The following NRXN3 variants were observed in gnomAD, a reference collection of about 807,000 sequenced individuals.
NRXN3 encodes neurexin III.
In NRXN3, 32 loss-of-function variants were observed where a neutral mutation model predicts 137.6. The ratio of observed to expected loss-of-function variants is 0.23; its 90% CI spans 0.18 to 0.31. NRXN3 has a LOEUF of 0.31. Ranked by LOEUF, NRXN3 falls within the 10% of genes least tolerant of loss-of-function variation. NRXN3 has a pLI of 1.00. For synonymous variants in NRXN3, 798 were observed against 784.5 expected (o/e 1.02, Z -0.29); for missense variants, 1,574 against 2,062.5 (o/e 0.76, Z 4.59).
At chr14:78,282,392 C>T (rs935409625) in intron 3 of NRXN3, 20 of 318,502 alleles carry the variant, frequency 6.3e-5, no homozygotes, top group Middle Eastern at 2.4e-3. Context: ...GTGCTTCTCC[C>T]TCCTGCCTGG....
At chr14:78,835,465 A>G (rs1394166731) in intron 10 of NRXN3, among the ~76,000 whole-genome samples, 3 of 152,106 alleles carry the variant, frequency 2.0e-5, no homozygotes, top group Non-Finnish European at 4.4e-5. Context: ...ATCAGAGGCT[A>G]TTAGGACTCA....
Position 78,984,367 on chromosome 14 carries a change from A to G in NRXN3, c.3143-3655A>G, listed in dbSNP as rs867819720. Among the ~76,000 whole-genome samples the G allele has an allele frequency of 2.1e-4, 32 of 152,322 alleles. No homozygotes were observed. In the South Asian group the frequency reaches 2.3e-3, roughly 11 times the overall value. The stretch of plus-strand genomic sequence containing the variant: ...ACTATTATCTTTCAATTTAAAAGAA[A>G]TTAATTTAATTACAGTCCACGTAAT... On this transcript the variant is annotated intron_variant, in intron 14 of 20. Transcript: ENST00000335750.
intron 15 of NRXN3, among the ~76,000 whole-genome samples, chr14:79,158,071 C>G (rs1447319266): frequency 6.6e-6 from 1 of 151,676 alleles, no homozygotes; most frequent in Non-Finnish European, 1.5e-5. Flanking sequence ...ATAATAATTT[C>G]TTTTTCCTGA....
chr14:78,765,174 A>G lies in NRXN3; in HGVS notation c.2045-38446A>G, dbSNP rs150427155. 2.7e-3 allele frequency among the ~76,000 whole-genome samples: 412 copies of G among 152,152 alleles called. 5 individuals carry two copies. Among genetic ancestry groups the G allele is most frequent in the African/African-American group, 9.5e-3 (396 of 41,510 alleles). On this transcript the variant is annotated intron_variant, in intron 8 of 20. Coordinates refer to ENST00000335750, the MANE Select transcript of NRXN3 (RefSeq NM_001330195.2). ...CCTTTTTTTGTTTTGTTTGTTTGAA[A>G]TGGAGTTTCACTCTTGTTGCCCAGG...
chr14:78,243,649 C>T lies in NRXN3; in HGVS notation c.556C>T (p.Pro186Ser), dbSNP rs2067286871. Residue 186 changes from proline (P) to serine (S), a missense_variant, in exon 2 of 21, where the codon CCT becomes TCT. Pro to Ser is a moderately conservative substitution (Grantham distance 74). This residue lies in a region of NRXN3 where 400 missense variants were observed against 527.3 expected (regional missense o/e 0.76). Transcript: ENST00000335750. This position sits in a 1 kb window ranked among gnomAD's most constrained non-coding sequence, Gnocchi z 4.2. ...GGATCTCAAGTATGGAAACTCGGAG[C>T]CTCGGCTTCTGGGGAGCCGGGGTGT... ...ILDLKYGNSE[P>S]RLLGSRGVQM... is the part of the protein sequence containing the mutation. 1 of 1,598,420 alleles carries T rather than the reference C, an allele frequency of 6.3e-7. No individual in the cohort carries two copies. The highest frequency in any genetic ancestry group is 8.5e-7 in the Non-Finnish European group (1 of 1,179,808).
intron 15 of NRXN3, among the ~76,000 whole-genome samples, chr14:79,033,078 C>T (rs924569440): frequency 5.9e-5 from 9 of 152,164 alleles, no homozygotes; most frequent in Admixed American, 3.9e-4. Flanking sequence ...TTTCTTAGAA[C>T]GTGTACATGC....
chr14:78,787,381 G>A (rs553432384), intron 8 of NRXN3, among the ~76,000 whole-genome samples: 7 of 152,164 alleles, frequency 4.6e-5, no homozygotes, highest in South Asian at 2.1e-4. Context: ...AATCAAAAGC[G>A]TTAACCACTA....
At chr14:79,279,613 T>C in intron 15 of NRXN3, 3 of 987,160 alleles carry the variant, frequency 3.0e-6, no homozygotes, top group African/African-American at 1.7e-5. Context: ...CGGTGGCTGC[T>C]GCTGCTGCTG....
intron 3 of NRXN3, among the ~76,000 whole-genome samples, chr14:78,279,088 G>A (rs4903736): frequency 0.16 from 24,704 of 152,164 alleles, 2,459 homozygotes; most frequent in Middle Eastern, 0.24. Flanking sequence ...TGATGTGGGT[G>A]AAAGGAGGTT....
chr14:79,740,721 T>TAC (rs2098959328), intron 19 of NRXN3, among the ~76,000 whole-genome samples: 1 of 16,376 alleles, frequency 6.1e-5, no homozygotes, highest in Non-Finnish European at 1.2e-4. Context: ...TTTATATATA[T>TAC]ATATATATAT....
chr14:78,725,841 T>C lies in NRXN3; in HGVS notation c.2044+10702T>C, dbSNP rs769030770. 2.2e-4 allele frequency among the ~76,000 whole-genome samples: 34 copies of C among 152,254 alleles called. 1 individual carries two copies. The highest frequency in any genetic ancestry group is 7.9e-4 in the Admixed American group (12 of 15,286). ...GAGTCTATAGGAATATGTACTCTTATCTACATATGATGTACTAAATGCTTA... is the reference window on the plus strand; with the variant it reads ...GAGTCTATAGGAATATGTACTCTTACCTACATATGATGTACTAAATGCTTA... On this transcript the variant is annotated intron_variant, in intron 8 of 20. Transcript: ENST00000335750.
At chr14:79,789,490 T>G (rs763583673) in intron 19 of NRXN3, among the ~76,000 whole-genome samples, 1 of 152,122 alleles carries the variant, frequency 6.6e-6, no homozygotes, top group African/African-American at 2.4e-5. Flanking sequence ...AATAAAAGAT[T>G]GGCTACTTCA....
chr14:78,803,738 G>C lies in NRXN3; in HGVS notation c.2163G>C (p.Leu721=), dbSNP rs2098846431. 6.2e-7 allele frequency: 1 copy of C among 1,614,118 alleles called. No individual in the cohort carries two copies. The highest frequency in any genetic ancestry group is 1.3e-5 in the African/African-American group (1 of 75,060). ...TCATGTCCCAGCGAGCTTATGGGCT[G>C]CTGGTGGCTACGACCTCCAGGGACT... ...FRFMSQRAYG[L]LVATTSRDSA... Residue 721 remains leucine (L), a synonymous_variant, in exon 9 of 21, where the codon CTG becomes CTC. Transcript: ENST00000335750.
intron 4 of NRXN3, chr14:78,300,669 C>T (rs1425004350): frequency 2.0e-6 from 3 of 1,530,176 alleles, no homozygotes; most frequent in Admixed American, 3.9e-5. Flanking sequence ...ATTGGACCTT[C>T]ATTTCTGTAG....
At chr14:78,515,443 A>T (rs2096189153) in intron 4 of NRXN3, among the ~76,000 whole-genome samples, 1 of 152,154 alleles carries the variant, frequency 6.6e-6, no homozygotes, top group African/African-American at 2.4e-5. Flanking sequence ...TAGGGAATAG[A>T]CAGCTGACCC....
At chr14:79,617,247 G>A (rs555988196) in intron 16 of NRXN3, among the ~76,000 whole-genome samples, 14 of 152,158 alleles carry the variant, frequency 9.2e-5, no homozygotes, top group Non-Finnish European at 1.8e-4. Context: ...TTGTATGCCT[G>A]TAGAATACAT....
chr14:79,575,335 G>A (rs2097653937), intron 16 of NRXN3, among the ~76,000 whole-genome samples: 1 of 152,126 alleles, frequency 6.6e-6, no homozygotes, highest in African/African-American at 2.4e-5. Context: ...GCGTGGTAAG[G>A]AGAACAAGAA....
intron 15 of NRXN3, among the ~76,000 whole-genome samples, chr14:79,429,102 C>T (rs2095703835): frequency 6.6e-6 from 1 of 152,054 alleles, no homozygotes; most frequent in African/African-American, 2.4e-5. Flanking sequence ...CCAGACGCAA[C>T]CTAGTTAGAG....
intron 15 of NRXN3, among the ~76,000 whole-genome samples, chr14:79,294,263 A>G (rs925858243): frequency 9.9e-5 from 15 of 152,178 alleles, no homozygotes; most frequent in African/African-American, 3.6e-4. Context: ...TGACTTGGTA[A>G]ATAACGTAGT....
Sources: gnomAD v4.1 joint callset for allele counts (sites outside exome capture counted in the v4.1 genomes callset) on GRCh38, gnomAD v4.1.1 for gene constraint, gnomAD v4.1.1 regional missense constraint, Gnocchi (gnomAD v3.1) non-coding constraint, MANE v1.5 for transcripts, NCBI Gene and HGNC (gene_info 2026-07-23, HGNC 2026-07-21) for gene names.